The following RGS12 variants were observed in gnomAD, a reference collection of about 807,000 sequenced individuals.
The protein encoded by RGS12 is regulator of G-protein signaling 12.
A neutral mutation model predicts 120.1 loss-of-function variants in RGS12; 66 were observed. The ratio of observed to expected loss-of-function variants is 0.55; its 90% confidence interval spans 0.45 to 0.67. The LOEUF is 0.67. RGS12 is among the 30% of genes least tolerant of loss of function. The probability of loss-of-function intolerance (pLI) is 0.00; values close to 1 mark genes in which losing one functional copy is unlikely to be tolerated. For missense variants in RGS12, 1,859 were observed against 1,957.7 expected (o/e 0.95, Z 0.95); for synonymous variants, 827 against 804.7 (o/e 1.03, Z -0.47).
intron 1 of RGS12, among the ~76,000 whole-genome samples, chr4:3,311,268 C>T (rs1490425038): frequency 1.3e-5 from 2 of 152,190 alleles, no homozygotes; most frequent in African/African-American, 4.8e-5. Context: ...CGCTCGGGGC[C>T]TGCTGCATCG....
chr4:3,301,257 G>T (rs1159519794), intron 1 of RGS12, among the ~76,000 whole-genome samples: 3 of 152,250 alleles, frequency 2.0e-5, no homozygotes, highest in African/African-American at 7.2e-5. Flanking sequence ...CAGGTGCACA[G>T]CTTGTCCTTA....
At chr4:3,414,593 G>A in intron 5 of RGS12, 159 bp from the exon 6 acceptor site, 1 of 636,348 alleles carries the variant, frequency 1.6e-6, no homozygotes, top group Non-Finnish European at 2.8e-6. Flanking sequence ...AAGCAGCAGT[G>A]CGGTTCCCTA....
intron 3 of RGS12, among the ~76,000 whole-genome samples, chr4:3,367,382 G>C (rs1287895481): frequency 6.6e-6 from 1 of 152,258 alleles, no homozygotes; most frequent in Non-Finnish European, 1.5e-5. Flanking sequence ...CGCATGATCG[G>C]GTGCTCCCGC....
At chr4:3,430,044 G>T (rs568425102) in intron 16 of RGS12, among the ~76,000 whole-genome samples, 16 of 152,194 alleles carry the variant, frequency 1.1e-4, no homozygotes, top group Non-Finnish European at 2.2e-4. Flanking sequence ...TCCTCAGAGG[G>T]CCCCAAGTGT....
intron 3 of RGS12, among the ~76,000 whole-genome samples, chr4:3,370,966 G>A (rs969298276): frequency 4.6e-5 from 7 of 152,194 alleles, no homozygotes; most frequent in African/African-American, 1.4e-4. Context: ...TAATTACTGG[G>A]CACTGATTTC....
intron 14 of RGS12, chr4:3,426,740 C>T (rs1055997768): frequency 6.6e-6 from 1 of 152,156 alleles, no homozygotes; most frequent in Non-Finnish European, 1.5e-5. Flanking sequence ...AGGAAGGTTA[C>T]TCAGACCCAG....
intron 3 of RGS12, among the ~76,000 whole-genome samples, chr4:3,352,654 A>G (rs1388332940): frequency 2.0e-5 from 3 of 152,240 alleles, no homozygotes; most frequent in Admixed American, 6.5e-5. Context: ...ACAAGGATCA[A>G]TAACAAGGGT....
intron 1 of RGS12, among the ~76,000 whole-genome samples, chr4:3,298,460 C>T (rs1351119623): frequency 4.6e-5 from 7 of 152,174 alleles, no homozygotes; most frequent in African/African-American, 1.4e-4. Context: ...AAGCGATCCC[C>T]CTGCCTCAAC....
rs563028163 is a variant in RGS12, at chr4:3,387,740, T to G, written c.2020+1303T>G. ...ACCGGTGTTTTGAATGATCTGTTCA[T>G]GCTTTCTCTTTCTGCCGTGTTCTCA... On this transcript the variant is annotated intron_variant, in intron 4 of 17. Transcript: ENST00000336727. Among the ~76,000 whole-genome samples, 5 of 152,356 alleles carry G rather than the reference T, an allele frequency of 3.3e-5. No individual in the cohort carries two copies. The East Asian group carries it at 9.6e-4, about 29-fold the overall frequency.
At chr4:3,333,396 C>T (rs1712092094) in intron 2 of RGS12, among the ~76,000 whole-genome samples, 1 of 152,234 alleles carries the variant, frequency 6.6e-6, no homozygotes, top group Admixed American at 6.5e-5. Context: ...CCTTGGCCTC[C>T]CAAAGTGCCG....
intron 1 of RGS12, among the ~76,000 whole-genome samples, chr4:3,313,954 C>T (rs114652182): frequency 0.04 from 6,062 of 152,072 alleles, 309 homozygotes; most frequent in African/African-American, 0.12. Context: ...AGACGTGTTT[C>T]TTGGCCAACT....
intron 3 of RGS12, among the ~76,000 whole-genome samples, chr4:3,345,074 A>G (rs1713669164): frequency 6.6e-6 from 1 of 152,266 alleles, no homozygotes; most frequent in African/African-American, 2.4e-5. Flanking sequence ...ATGAATATTC[A>G]GGGAGGTCAA....
chr4:3,377,909 A>T (rs994924324), intron 3 of RGS12, among the ~76,000 whole-genome samples: 1 of 152,214 alleles, frequency 6.6e-6, no homozygotes, highest in Non-Finnish European at 1.5e-5. Context: ...GAGGCATGTT[A>T]TAGAAATTTT....
chr4:3,342,899 C>T, intron 2 of RGS12, 38 bp from the exon 3 acceptor site: 6 of 1,401,680 alleles, frequency 4.3e-6, no homozygotes, highest in Non-Finnish European at 6.1e-6. Context: ...CATCTCTTTG[C>T]AAAAGAATAA....
In RGS12 at chr4:3,360,805, C is replaced by T. The variant is rs182709492; in HGVS notation, c.1998+17752C>T. On this transcript the variant is annotated intron_variant, in intron 3 of 17. Transcript: ENST00000336727. The stretch of plus-strand genomic sequence containing the variant: ...GACAGTGCGGCTAACCCACAAAGGC[C>T]GACGGACCCTGAGAATGCAGCACGT... Among the ~76,000 whole-genome samples, 196 of 152,206 alleles carry T rather than the reference C, an allele frequency of 1.3e-3. 2 individuals are homozygous for T. The highest frequency in any genetic ancestry group is 2.3e-3 in the Non-Finnish European group (157 of 68,012).
intron 14 of RGS12, among the ~76,000 whole-genome samples, chr4:3,426,384 A>T (rs904248906): frequency 4.0e-5 from 6 of 151,728 alleles, no homozygotes; most frequent in African/African-American, 1.5e-4. Context: ...TTAGTACACA[A>T]AAGAGAATTG....
the RGS12 span, among the ~76,000 whole-genome samples, chr4:3,286,643 G>A: frequency 7.9e-5 from 12 of 152,356 alleles, no homozygotes; most frequent in African/African-American, 2.9e-4. Flanking sequence ...GCAGGGCGAG[G>A]GAGTGAGGAG....
intron 3 of RGS12, among the ~76,000 whole-genome samples, chr4:3,346,383 A>G (rs985879118): frequency 1.3e-4 from 20 of 152,170 alleles, no homozygotes; most frequent in African/African-American, 4.8e-4. Flanking sequence ...GTGTCTTTAT[A>G]ATATGGACTC....
intron 1 of RGS12, among the ~76,000 whole-genome samples, chr4:3,302,992 G>A (rs1723769632): frequency 6.6e-6 from 1 of 152,190 alleles, no homozygotes; most frequent in Non-Finnish European, 1.5e-5. Flanking sequence ...TTGCCTGTTC[G>A]TAGTTGCCCA....
Sources: gnomAD v4.1 joint callset for allele counts (sites outside exome capture counted in the v4.1 genomes callset) on GRCh38, gnomAD v4.1.1 for gene constraint, MANE v1.5 for transcripts, NCBI Gene and HGNC (gene_info 2026-07-23, HGNC 2026-07-21) for gene names.